Variants in TWIST2 observed in about 807,000 individuals in gnomAD.
The protein encoded by TWIST2 is twist family bHLH transcription factor 2.
Under a neutral mutation model 11.6 loss-of-function variants are expected in TWIST2, and 1 was observed. The ratio of observed to expected loss-of-function variants is 0.09; its 90% CI spans 0.03 to 0.41. The LOEUF (loss-of-function observed/expected upper bound fraction) is 0.41. Among genes scored for constraint, TWIST2 ranks in the 10% least tolerant of loss-of-function variants. The pLI is 0.98. For synonymous variants in TWIST2, 87 were observed against 96.6 expected, an observed-to-expected ratio of 0.90 and a Z score of 0.58; for missense variants, 168 against 226.4, an observed-to-expected ratio of 0.74 and a Z score of 1.66.
At chr2:238,908,583 A>G (rs996938189) in intron 1 of TWIST2, among the ~76,000 whole-genome samples, 88,324 of 151,888 alleles carry the variant, frequency 0.58, 26,951 homozygotes, top group African/African-American at 0.78. Flanking sequence ...GTGTGACGTG[A>G]CGACACCACT....
chr2:238,873,006 G>A (rs141407058), intron 1 of TWIST2, among the ~76,000 whole-genome samples: 40,669 of 152,042 alleles, frequency 0.27, 6,633 homozygotes, highest in Non-Finnish European at 0.37. Context: ...CAGCCAAGGA[G>A]ACAATGGAGG....
chr2:238,856,879 A>G (rs1425731691), intron 1 of TWIST2, among the ~76,000 whole-genome samples: 1 of 152,204 alleles, frequency 6.6e-6, no homozygotes, highest in Non-Finnish European at 1.5e-5. Context: ...AGGCCGCTGC[A>G]GACACAGTCA....
At chr2:238,903,479 CATG>C (rs1314062802) in intron 1 of TWIST2, among the ~76,000 whole-genome samples, 12 of 37,320 alleles carry the variant, frequency 3.2e-4, no homozygotes, top group South Asian at 9.5e-4. Flanking sequence ...GATGTGTGTG[CATG>C]ATGTGAGGTG....
chr2:238,878,099 G>C (rs908301185), intron 1 of TWIST2, among the ~76,000 whole-genome samples: 1 of 152,196 alleles, frequency 6.6e-6, no homozygotes, highest in Non-Finnish European at 1.5e-5. Context: ...GGCTGGTTTT[G>C]TGCAGGTCTA....
In TWIST2 at chr2:238,870,157, C is replaced by CA. The variant is rs1559273489; in HGVS notation, c.*35+21424_*35+21425insA. Among the ~76,000 whole-genome samples the CA allele has an allele frequency of 1.3e-3, 68 of 51,806 alleles. 1 individual carries two copies. Among genetic ancestry groups the CA allele is most frequent in the African/African-American group, 4.9e-3 (64 of 13,182 alleles). 34.0% of individuals were successfully genotyped at this position (51,806 alleles called of 152,430 possible). On this transcript the variant is annotated intron_variant, in intron 1 of 1. Transcript: ENST00000612363. ...ACACCACACCCCATACACACCACAC[C>CA]CCACACACACCACACACCCCACACA... is the stretch of plus-strand genomic sequence containing the variant.
rs1692494011 is a variant in TWIST2 at position 238,864,417 on chromosome 2, C to G, written c.*35+15684C>G. On this transcript the variant is annotated intron_variant, in intron 1 of 1. Coordinates refer to ENST00000612363, the MANE Select transcript of TWIST2 (RefSeq NM_001271893.4). The surrounding 1 kb of genome is among the most constrained non-coding windows in gnomAD (Gnocchi z 4.7). ...GAGCCGACTGGGAGCAGGAGTGACT[C>G]AGAGCCGTGGCTTTTTGTCCTCTGG... 6.6e-6 allele frequency among the ~76,000 whole-genome samples: 1 copy of G among 152,214 alleles called. No individual in the cohort carries two copies. Among genetic ancestry groups the G allele is most frequent in the Admixed American group, 6.5e-5 (1 of 15,286 alleles).
intron 1 of TWIST2, chr2:238,886,962 C>T (rs1693048641): frequency 6.6e-6 from 1 of 152,160 alleles, no homozygotes; most frequent in African/African-American, 2.4e-5. Flanking sequence ...CACAAGAGGA[C>T]TTTGGGGAAA....
chr2:238,883,930 G>A (rs1244887664), intron 1 of TWIST2, among the ~76,000 whole-genome samples: 1 of 152,156 alleles, frequency 6.6e-6, no homozygotes, highest in Admixed American at 6.5e-5. Context: ...GGAGTCGTGA[G>A]CCGCGCTGTG....
Position 238,848,367 on chromosome 2 carries a change from G to T in TWIST2, c.152G>T (p.Gly51Val). ...GGCAGCCCGACCCCGGGCAAGCGCG[G>T]CAAGAAGGGCAGCCCCAGCGCGCAG... is the stretch of plus-strand genomic sequence containing the variant. Reference protein sequence around the residue: ...EDGSPTPGKRGKKGSPSAQSF... With the variant: ...EDGSPTPGKRVKKGSPSAQSF... Residue 51 changes from glycine (G) to valine (V), a missense_variant, in exon 1 of 2, where the codon GGC (glycine) becomes GTC (valine). This residue lies in a region of TWIST2 where 83 missense variants were observed against 92.7 expected (regional missense o/e 0.90). Transcript: ENST00000612363. The T allele has an allele frequency of 6.5e-7, 1 of 1,534,760 alleles. No homozygotes were observed. Among genetic ancestry groups the T allele is most frequent in the Non-Finnish European group, 8.7e-7 (1 of 1,145,948 alleles).
intron 1 of TWIST2, among the ~76,000 whole-genome samples, chr2:238,878,421 GAA>G (rs1301525360): frequency 6.6e-6 from 1 of 152,182 alleles, no homozygotes; most frequent in Non-Finnish European, 1.5e-5. Flanking sequence ...AGTGTGATGA[GAA>G]AAAGAGGATG....
Position 238,848,419 on chromosome 2 carries a change from C to A in TWIST2, c.204C>A (p.Arg68=). ...AQSFEELQSQ[R]ILANVRERQR... is the part of the protein sequence containing the mutation. The stretch of plus-strand genomic sequence containing the variant: ...CCTTCGAGGAGCTGCAGAGCCAGCG[C>A]ATCCTGGCCAACGTGCGCGAGCGCC... Residue 68 remains arginine, a synonymous_variant, in exon 1 of 2, where the codon CGC becomes CGA. Transcript: ENST00000612363. 6.5e-7 allele frequency: 1 copy of A among 1,540,480 alleles called. No individual in the cohort carries two copies. Among genetic ancestry groups the A allele is most frequent in the Non-Finnish European group, 8.7e-7 (1 of 1,147,904 alleles).
chr2:238,884,801 G>C (rs1426198661), intron 1 of TWIST2, among the ~76,000 whole-genome samples: 1 of 152,230 alleles, frequency 6.6e-6, no homozygotes, highest in African/African-American at 2.4e-5. Context: ...CCGGAAGCAT[G>C]GCCGGAAAGT....
At position 238,865,510 on chromosome 2, in the gene TWIST2, C is replaced by T. The variant is rs374812673; in HGVS notation, c.*35+16777C>T. ...CGTGTCAGGATTCCCTGCGGGAGAT[C>T]GGGTAGCTTCAGCCTGGGCACAGAA... On this transcript the variant is annotated intron_variant, in intron 1 of 1. Transcript: ENST00000612363. Among the ~76,000 whole-genome samples the T allele has an allele frequency of 1.8e-4, 28 of 152,248 alleles. No homozygotes were observed. In the South Asian group the frequency reaches 2.9e-3, roughly 16 times the overall value.
chr2:238,905,200 A>G (rs1489488225), intron 1 of TWIST2, among the ~76,000 whole-genome samples: 3 of 151,304 alleles, frequency 2.0e-5, no homozygotes, highest in African/African-American at 7.3e-5. Flanking sequence ...ATGGGGCCTC[A>G]CCTGCTCATT....
At chr2:238,865,761 G>A (rs1692518839) in intron 1 of TWIST2, among the ~76,000 whole-genome samples, 1 of 151,880 alleles carries the variant, frequency 6.6e-6, no homozygotes, top group Non-Finnish European at 1.5e-5. Context: ...CCACTGCTCA[G>A]AGGTCCCTTT....
chr2:238,904,740 G>A (rs1378794276), intron 1 of TWIST2, among the ~76,000 whole-genome samples: 1 of 152,058 alleles, frequency 6.6e-6, no homozygotes, highest in Non-Finnish European at 1.5e-5. Flanking sequence ...CTTGGCACAT[G>A]ATAGATGCTC....
intron 1 of TWIST2, among the ~76,000 whole-genome samples, chr2:238,886,577 C>T (rs542229081): frequency 6.6e-6 from 1 of 151,828 alleles, no homozygotes; most frequent in African/African-American, 2.4e-5. Flanking sequence ...GGGCTATTGT[C>T]TGGAGCCCCG....
Position 238,906,255 on chromosome 2 carries a change from C to T in TWIST2, c.*36-3587C>T, listed in dbSNP as rs930311285. On this transcript the variant is annotated intron_variant, in intron 1 of 1. Transcript: ENST00000612363. ...ACACGGACCCACGCACACAGATGCACACACCCACACAAAAACATGCACACT... is the reference window on the plus strand; with the variant it reads ...ACACGGACCCACGCACACAGATGCATACACCCACACAAAAACATGCACACT... 9.5e-4 allele frequency among the ~76,000 whole-genome samples: 145 copies of T among 152,016 alleles called. 1 individual carries two copies. The highest frequency in any genetic ancestry group is 3.7e-4 in the Non-Finnish European group (25 of 67,932).
chr2:238,848,433 TGCGCGA>T lies in TWIST2; in HGVS notation c.223_228del (p.Glu75_Arg76del). On this transcript the variant is annotated inframe_deletion, in exon 1 of 2. Transcript: ENST00000612363. ...CAGAGCCAGCGCATCCTGGCCAACGTGCGCGAGCGCCAGCGCACCCAGTCGCTCAAC... is the reference window on the plus strand; with the variant it reads ...CAGAGCCAGCGCATCCTGGCCAACGTGCGCCAGCGCACCCAGTCGCTCAAC... 6.5e-7 allele frequency: 1 copy of T among 1,545,294 alleles called. No homozygotes were observed. The highest frequency in any genetic ancestry group is 1.2e-5 in the South Asian group (1 of 84,252).
Sources: allele counts gnomAD v4.1 joint callset (sites outside exome capture counted in the v4.1 genomes callset), GRCh38; gene constraint gnomAD v4.1.1; regional missense constraint gnomAD v4.1.1; non-coding constraint Gnocchi (gnomAD v3.1); transcripts MANE v1.5; gene names NCBI Gene and HGNC (gene_info 2026-07-23, HGNC 2026-07-21).